Variants in MORC1 observed in about 807,000 individuals in gnomAD.
The protein encoded by MORC1 is MORC family CW-type zinc finger protein 1.
In MORC1, 59 loss-of-function variants were observed where a neutral mutation model predicts 134.9. The ratio of observed to expected loss-of-function variants is 0.44; its 90% CI spans 0.35 to 0.54. The LOEUF (loss-of-function observed/expected upper bound fraction) is 0.54, where lower values mean the gene tolerates loss of function less well. Among genes scored for constraint, MORC1 ranks in the 20% least tolerant of loss-of-function variants. The pLI, the probability that MORC1 is intolerant of heterozygous loss-of-function variation, is 0.00. For missense variants in MORC1, 947 were observed against 1,134.5 expected, an observed-to-expected ratio of 0.83 and a Z score of 2.37; for synonymous variants, 395 against 391.7, an observed-to-expected ratio of 1.01 and a Z score of -0.10.
chr3:108,992,924 G>A (rs752344687), intron 21 of MORC1, among the ~76,000 whole-genome samples: 13 of 152,066 alleles, frequency 8.5e-5, no homozygotes, highest in Non-Finnish European at 1.8e-4. Flanking sequence ...ATTACAGAAG[G>A]TGGCTTTAAA....
chr3:109,074,459 A>C (rs542071169), intron 8 of MORC1, among the ~76,000 whole-genome samples: 2 of 152,328 alleles, frequency 1.3e-5, no homozygotes, highest in South Asian at 4.1e-4. Flanking sequence ...CAAAAAAGGA[A>C]TCAAGAAAGA....
At chr3:109,050,341 T>A (rs982253) in intron 14 of MORC1, among the ~76,000 whole-genome samples, 25,205 of 152,004 alleles carry the variant, frequency 0.17, 2,390 homozygotes, top group African/African-American at 0.25. Context: ...GAAGTCCGAG[T>A]TCAAGGCACA....
intron 1 of MORC1, among the ~76,000 whole-genome samples, chr3:109,114,819 A>T (rs1951236314): frequency 6.6e-6 from 1 of 152,270 alleles, no homozygotes; most frequent in South Asian, 2.1e-4. Flanking sequence ...AAGAATACTG[A>T]TCAAAATCCT....
chr3:109,100,522 G>A lies in MORC1; in HGVS notation c.224-15C>T, dbSNP rs1559952843. 2 of 1,592,202 alleles carry A rather than the reference G, an allele frequency of 1.3e-6. No individual in the cohort carries two copies. Among genetic ancestry groups the A allele is most frequent in the East Asian group, 2.2e-5 (1 of 44,724 alleles). On this transcript the variant is annotated splice_polypyrimidine_tract_variant and intron_variant, in intron 4 of 27. Transcript: ENST00000232603. ...TGAAGCTTCCTCTGTAATTGACAGT[G>A]ACTTTTAAGGTGGTTAGGAAGACTC...
At chr3:109,104,832 G>A (rs552659140) in intron 3 of MORC1, among the ~76,000 whole-genome samples, 2 of 150,484 alleles carry the variant, frequency 1.3e-5, no homozygotes, top group Non-Finnish European at 2.9e-5. Context: ...ACAATAAACT[G>A]CACATGTTTA....
At chr3:109,073,401 G>A (rs1029533253) in intron 8 of MORC1, among the ~76,000 whole-genome samples, 3 of 48,880 alleles carry the variant, frequency 6.1e-5, no homozygotes, top group African/African-American at 1.6e-4. Flanking sequence ...TGATTCCTTT[G>A]ATTCTGCCAC....
At chr3:109,033,259 A>C (rs1034447178) in intron 15 of MORC1, among the ~76,000 whole-genome samples, 1 of 151,534 alleles carries the variant, frequency 6.6e-6, no homozygotes, top group African/African-American at 2.4e-5. Context: ...ATTAAACTGA[A>C]AGAAAGAAAG....
At chr3:109,035,210 T>C (rs2107616375) in intron 15 of MORC1, 130 bp downstream of exon 15, 1 of 794,736 alleles carries the variant, frequency 1.3e-6, no homozygotes, top group South Asian at 1.8e-5. Context: ...ATAACTTTCT[T>C]CCAGACTGTA....
intron 24 of MORC1, 73 bp from the exon 25 acceptor site, chr3:108,971,475 G>C: frequency 7.5e-7 from 1 of 1,328,632 alleles, no homozygotes; most frequent in Non-Finnish European, 1.1e-6. Context: ...TCAGAACTGG[G>C]TTTGTCTCCT....
chr3:108,974,057 C>A (rs57505763), intron 24 of MORC1, among the ~76,000 whole-genome samples: 33,903 of 151,686 alleles, frequency 0.22, 4,583 homozygotes, highest in East Asian at 0.66. Context: ...CCCCACCAGG[C>A]CCAAGCAAGT....
intron 17 of MORC1, among the ~76,000 whole-genome samples, chr3:109,011,998 G>A (rs984621765): frequency 6.6e-6 from 1 of 152,176 alleles, no homozygotes; most frequent in East Asian, 1.9e-4. Context: ...TATAGATCAT[G>A]CATTATGTGT....
chr3:109,103,266 C>T (rs1311302052), intron 4 of MORC1, among the ~76,000 whole-genome samples: 1 of 152,230 alleles, frequency 6.6e-6, no homozygotes, highest in Non-Finnish European at 1.5e-5. Context: ...TCACAGCACA[C>T]AGACACTGTA....
At chr3:109,044,792 A>G in intron 14 of MORC1, among the ~76,000 whole-genome samples, 1 of 150,632 alleles carries the variant, frequency 6.6e-6, no homozygotes, top group Non-Finnish European at 1.5e-5. Flanking sequence ...TAAAACACAA[A>G]AAATTAGCCA....
chr3:109,111,062 A>AAC lies in MORC1; in HGVS notation c.120-280_120-279insGT, dbSNP rs1553764978. On this transcript the variant is annotated intron_variant, in intron 2 of 27. Transcript: ENST00000232603. ...AATGGATATAATTTAAAAAAAAAAA[A>AAC]AAAAAACAAAAAAAGCTGGCTGGCA... Among the ~76,000 whole-genome samples the AAC allele has an allele frequency of 6.6e-3, 964 of 145,498 alleles. 15 individuals carry two copies. Among genetic ancestry groups the AAC allele is most frequent in the African/African-American group, 0.025 (932 of 37,966 alleles).
rs3054412 is a variant in MORC1 at position 109,008,446 on chromosome 3, G to GTA, written c.1705-1357_1705-1356dup. ...ACATACTCTATTTTGAGAGTGCAGA[G>GTA]TATATATATATATATAATTATATGT... On this transcript the variant is annotated intron_variant, in intron 17 of 27. Coordinates refer to ENST00000232603, the MANE Select transcript of MORC1 (RefSeq NM_014429.4). 3.6e-3 allele frequency among the ~76,000 whole-genome samples: 533 copies of GTA among 148,964 alleles called. 4 individuals are homozygous for GTA. The highest frequency in any genetic ancestry group is 6.0e-3 in the Non-Finnish European group (401 of 67,260).
At chr3:109,008,178 A>T (rs1235584955) in intron 17 of MORC1, among the ~76,000 whole-genome samples, 1 of 152,134 alleles carries the variant, frequency 6.6e-6, no homozygotes, top group Admixed American at 6.6e-5. Context: ...AGGTCTATTG[A>T]CAGACATTTG....
At chr3:109,035,262 C>T (rs776105245) in intron 15 of MORC1, 78 bp downstream of exon 15, 6 of 1,326,676 alleles carry the variant, frequency 4.5e-6, no homozygotes, top group Non-Finnish European at 6.3e-6. Context: ...TCTCCCTCAT[C>T]CCTCATTTCT....
chr3:109,109,282 C>T (rs2107798908), intron 3 of MORC1, among the ~76,000 whole-genome samples: 1 of 152,186 alleles, frequency 6.6e-6, no homozygotes, highest in South Asian at 2.1e-4. Flanking sequence ...TCTGTATTGT[C>T]TATCTCTCCC....
chr3:109,042,534 A>G (rs896343344), intron 14 of MORC1, among the ~76,000 whole-genome samples: 3 of 152,204 alleles, frequency 2.0e-5, no homozygotes, highest in Non-Finnish European at 1.5e-5. Context: ...TTCCTTCAAA[A>G]ATTAAAAATA....
Sources: allele counts gnomAD v4.1 joint callset (sites outside exome capture counted in the v4.1 genomes callset), GRCh38; gene constraint gnomAD v4.1.1; transcripts MANE v1.5; gene names NCBI Gene and HGNC (gene_info 2026-07-23, HGNC 2026-07-21).